RTTN: variants seen among roughly 807,000 people sequenced by gnomAD.
RTTN encodes the protein rotatin.
In RTTN, 182 loss-of-function variants were observed where a neutral mutation model predicts 269.2. The ratio of observed to expected loss-of-function variants is 0.68; its 90% confidence interval spans 0.60 to 0.76. RTTN has a LOEUF of 0.76. Among genes scored for constraint, RTTN ranks in the 30% least tolerant of loss-of-function variants. RTTN has a pLI of 0.00. For missense variants in RTTN, 2,545 were observed against 2,608.6 expected (o/e 0.98, Z 0.53); for synonymous variants, 1,006 against 963.5 (o/e 1.04, Z -0.82).
At chr18:70,047,288 T>C (rs774287967) in intron 40 of RTTN, among the ~76,000 whole-genome samples, 1 of 152,182 alleles carries the variant, frequency 6.6e-6, no homozygotes, top group Non-Finnish European at 1.5e-5. Context: ...TAATTCTAAA[T>C]ACTGAAAAAT....
chr18:70,128,791 T>C (rs1257295825), intron 23 of RTTN: 5 of 367,592 alleles, frequency 1.4e-5, no homozygotes, highest in African/African-American at 4.0e-5. Context: ...TATGCTATAT[T>C]AGAGTTGTTG....
In RTTN at chr18:70,051,473, G is replaced by A; in HGVS notation, c.5261C>T (p.Ala1754Val). Residue 1754 changes from alanine (A) to valine (V), a missense_variant, in exon 39 of 49, where the codon GCT (alanine) becomes GTT (valine). Ala to Val is a moderately conservative substitution (Grantham distance 64). Coordinates refer to ENST00000640769, the MANE Select transcript of RTTN (RefSeq NM_173630.4). ...FNLLAMLLRK[A>V]GAITLPFVTV... ...AACAAACGGGAGTGTGATGGCACCAGCTTTCCTCAGGAGCATGGCCAGAAG... is the reference window on the plus strand; with the variant it reads ...AACAAACGGGAGTGTGATGGCACCAACTTTCCTCAGGAGCATGGCCAGAAG... 10 of 1,613,872 alleles carry A rather than the reference G, an allele frequency of 6.2e-6. No individual in the cohort carries two copies. Among genetic ancestry groups the A allele is most frequent in the Non-Finnish European group, 8.5e-6 (10 of 1,179,808 alleles).
Position 70,109,633 on chromosome 18 carries a change from AT to A in RTTN, c.3767del (p.His1256LeufsTer34). On this transcript the variant is annotated frameshift_variant, in exon 28 of 49. Coordinates refer to ENST00000640769, the MANE Select transcript of RTTN (RefSeq NM_173630.4). LOFTEE classifies it high-confidence loss of function. ...GCTCAAGGGACGGCAGGCCATAGAA[AT>A]GAGGCGCATCCGTCACTTTCAGACA... is the stretch of plus-strand genomic sequence containing the variant. ...LQCLKVTDAP[H>X]FYGLPSLERT... The A allele has an allele frequency of 6.2e-7, 1 of 1,614,176 alleles. No homozygotes were observed. The highest frequency in any genetic ancestry group is 8.5e-7 in the Non-Finnish European group (1 of 1,180,028).
At chr18:70,013,335 A>T (rs950039226) in intron 46 of RTTN, among the ~76,000 whole-genome samples, 1 of 152,040 alleles carries the variant, frequency 6.6e-6, no homozygotes, top group Non-Finnish European at 1.5e-5. Context: ...AACTCCTTCA[A>T]CCAGCTATCC....
In RTTN at chr18:70,059,958, G is replaced by A. The variant is rs2057930375; in HGVS notation, c.4832C>T (p.Pro1611Leu). 1 of 1,613,890 alleles carries A rather than the reference G, an allele frequency of 6.2e-7. No individual in the cohort carries two copies. Among genetic ancestry groups the A allele is most frequent in the African/African-American group, 1.3e-5 (1 of 74,916 alleles). The change falls in exon 36 of 49, where the codon CCA (proline) becomes CTA (leucine). Residue 1611 changes from proline to leucine, a missense_variant. Physicochemically the swap from Pro to Leu is moderately conservative, Grantham distance 98. Transcript: ENST00000640769. ...PLPKLCVFVT[P>L]SLLSAMCSLL... ...GCTGCACATTGCTGAAAGAAGAGATGGAGTAACAAAAACACACAGTTTGGG... is the reference window on the plus strand; with the variant it reads ...GCTGCACATTGCTGAAAGAAGAGATAGAGTAACAAAAACACACAGTTTGGG...
Position 70,142,276 on chromosome 18 carries a change from A to G in RTTN, c.2581+12T>C, listed in dbSNP as rs2060275874. The G allele has an allele frequency of 2.0e-6, 3 of 1,532,072 alleles. No individual in the cohort carries two copies. The allele number at this position is 1,532,072 out of a possible 1,614,324, so 94.9% of individuals were successfully genotyped here. A position where few individuals can be genotyped will look rare whatever the true frequency, so the allele number is the denominator to read the frequency against. On this transcript the variant is annotated intron_variant, in intron 19 of 48. Coordinates refer to ENST00000640769, the MANE Select transcript of RTTN (RefSeq NM_173630.4). ...CAGCAGTACAGCAATCATTTCCCTT[A>G]AAAGACATTACCTTGCATAATCACA...
intron 28 of RTTN, among the ~76,000 whole-genome samples, chr18:70,103,361 T>C (rs976275475): frequency 6.6e-6 from 1 of 152,088 alleles, no homozygotes; most frequent in African/African-American, 2.4e-5. Context: ...ATTGTTACTG[T>C]GTCTGTGTAG....
At chr18:70,176,200 G>T (rs13381486) in intron 11 of RTTN, among the ~76,000 whole-genome samples, 2,324 of 137,562 alleles carry the variant, frequency 0.017, 67 homozygotes, top group African/African-American at 0.057. Context: ...TGTAGATGTA[G>T]ATGTATATGT....
At chr18:70,083,408 G>A (rs1274463758) in intron 32 of RTTN, among the ~76,000 whole-genome samples, 2 of 152,086 alleles carry the variant, frequency 1.3e-5, no homozygotes, top group Admixed American at 1.3e-4. Flanking sequence ...CTTTCTCTGT[G>A]GTAGGGGTTG....
At chr18:70,048,252 C>G in intron 39 of RTTN, 64 bp from the exon 40 acceptor site, 1 of 1,437,846 alleles carries the variant, frequency 7.0e-7, no homozygotes, top group African/African-American at 1.4e-5. Flanking sequence ...AAAAGGAAAT[C>G]AAGTTGATTT....
Position 70,121,559 on chromosome 18 carries a change from T to C in RTTN, c.3525A>G (p.Arg1175=). The C allele has an allele frequency of 6.4e-7, 1 of 1,563,460 alleles. No individual in the cohort carries two copies. Among genetic ancestry groups the C allele is most frequent in the Non-Finnish European group, 8.6e-7 (1 of 1,164,890 alleles). Residue 1175 remains arginine, a synonymous_variant, in exon 26 of 49, where the codon AGA becomes AGG. Coordinates refer to ENST00000640769, the MANE Select transcript of RTTN (RefSeq NM_173630.4). ...LLNWILELLL[R]HSANPLLDLL... ...CAAATTCCTTAACACCACTTACATGTCTAAGAAGTAATTCGAGAATCCAGT... is the reference window on the plus strand; with the variant it reads ...CAAATTCCTTAACACCACTTACATGCCTAAGAAGTAATTCGAGAATCCAGT...
intron 11 of RTTN, among the ~76,000 whole-genome samples, chr18:70,175,045 CAAAAAAAAAAA>C (rs5825998): frequency 1.2e-5 from 1 of 86,858 alleles, no homozygotes; most frequent in Non-Finnish European, 2.1e-5. Context: ...AAACCAAAAC[CAAAAAAAAAAA>C]AAAAAAAAAA....
At chr18:70,163,188 C>CCTG in intron 14 of RTTN, among the ~76,000 whole-genome samples, 1 of 150,434 alleles carries the variant, frequency 6.6e-6, no homozygotes, top group Middle Eastern at 3.5e-3. Context: ...TCGAGACCAT[C>CCTG]CTGGCCAACA....
intron 38 of RTTN, among the ~76,000 whole-genome samples, chr18:70,052,247 C>T (rs1356951091): frequency 6.6e-6 from 1 of 152,100 alleles, no homozygotes; most frequent in Non-Finnish European, 1.5e-5. Context: ...CTTTATAGGA[C>T]GTTAACCCCG....
intron 30 of RTTN, among the ~76,000 whole-genome samples, chr18:70,091,880 G>C (rs1049734652): frequency 6.6e-6 from 1 of 151,662 alleles, no homozygotes; most frequent in Non-Finnish European, 1.5e-5. Context: ...AGCCTCCCAA[G>C]TAGCTGGGAC....
At chr18:70,076,909 C>CAT (rs2058442769) in intron 32 of RTTN, among the ~76,000 whole-genome samples, 1 of 25,616 alleles carries the variant, frequency 3.9e-5, no homozygotes, top group South Asian at 3.8e-3. Context: ...CACCCAAAAT[C>CAT]ACAGTCAATC....
Position 70,059,767 on chromosome 18 carries a change from A to T in RTTN, c.4940+83T>A, listed in dbSNP as rs1435086. The T allele has an allele frequency of 0.96, 924,871 of 962,498 alleles. 445,419 individuals carry two copies. The highest frequency in any genetic ancestry group is 1 in the East Asian group (39,711 of 39,716). 59.6% of individuals were successfully genotyped at this position (962,498 alleles called of 1,614,324 possible). A position where few individuals can be genotyped will look rare whatever the true frequency, so the allele number is the denominator to read the frequency against. On this transcript the variant is annotated intron_variant, in intron 36 of 48. Coordinates refer to ENST00000640769, the MANE Select transcript of RTTN (RefSeq NM_173630.4). Reference sequence around the variant, plus strand: ...AATAAAGCTGTATTTCCAGGTCACAAGAAATCTTGTATCAAGTCATGAATA... The same window carrying T: ...AATAAAGCTGTATTTCCAGGTCACATGAAATCTTGTATCAAGTCATGAATA...
Position 70,024,756 on chromosome 18 carries a change from C to G in RTTN, c.5916G>C (p.Gln1972His), listed in dbSNP as rs201267273. Reference sequence around the variant, plus strand: ...AATTTGCAGTATAGACACAAAGGAGCTGCAGAGAAATTTGCATCAATGAAT... The same window carrying G: ...AATTTGCAGTATAGACACAAAGGAGGTGCAGAGAAATTTGCATCAATGAAT... ...MDDSLMQISL[Q>H]LLCVYTANFP... The change falls in exon 44 of 49, where the codon CAG becomes CAC. Residue 1972 changes from glutamine to histidine, a missense_variant. Transcript: ENST00000640769. The G allele has an allele frequency of 6.7e-4, 1,081 of 1,613,780 alleles. 2 individuals carry two copies. The highest frequency in any genetic ancestry group is 8.5e-4 in the Non-Finnish European group (1,000 of 1,179,816).
chr18:70,080,281 G>A (rs184887924), intron 32 of RTTN, among the ~76,000 whole-genome samples: 8 of 152,182 alleles, frequency 5.3e-5, no homozygotes, highest in Non-Finnish European at 8.8e-5. Flanking sequence ...CATCTAGAAC[G>A]CAGATCTTGG....
Sources: allele counts gnomAD v4.1 joint callset (sites outside exome capture counted in the v4.1 genomes callset), GRCh38; gene constraint gnomAD v4.1.1; transcripts MANE v1.5; gene names NCBI Gene and HGNC (gene_info 2026-07-23, HGNC 2026-07-21).